KCNQ3: variants seen among roughly 807,000 people sequenced by gnomAD.
KCNQ3 encodes potassium voltage-gated channel subfamily Q member 3.
A neutral mutation model predicts 92.5 loss-of-function variants in KCNQ3; 30 were observed. The ratio of observed to expected loss-of-function variants is 0.32; its 90% CI spans 0.24 to 0.44. The LOEUF (loss-of-function observed/expected upper bound fraction) is 0.44. Among genes scored for constraint, KCNQ3 ranks in the 20% least tolerant of loss-of-function variants. KCNQ3 has a pLI of 1.00. For missense variants in KCNQ3, 913 were observed against 1,140.3 expected (o/e 0.80, Z 2.87); for synonymous variants, 450 against 468.8 (o/e 0.96, Z 0.52).
intron 6 of KCNQ3, among the ~76,000 whole-genome samples, chr8:132,173,302 A>C (rs1018280216): frequency 3.9e-5 from 6 of 152,188 alleles, no homozygotes; most frequent in Non-Finnish European, 5.9e-5. Flanking sequence ...CATCAATGAG[A>C]AAACTGAGAT....
At chr8:132,393,068 T>G (rs1820092542) in intron 1 of KCNQ3, among the ~76,000 whole-genome samples, 1 of 152,154 alleles carries the variant, frequency 6.6e-6, no homozygotes, top group Admixed American at 6.5e-5. Context: ...ATTCCTGAAT[T>G]GTTACTGCTC....
At chr8:132,346,552 C>T (rs906840542) in intron 1 of KCNQ3, among the ~76,000 whole-genome samples, 1 of 152,200 alleles carries the variant, frequency 6.6e-6, no homozygotes, top group African/African-American at 2.4e-5. Context: ...AAAAGCTTGC[C>T]TTGCCATTTC....
At chr8:132,286,958 T>C (rs1816695804) in intron 1 of KCNQ3, among the ~76,000 whole-genome samples, 1 of 152,194 alleles carries the variant, frequency 6.6e-6, no homozygotes, top group Non-Finnish European at 1.5e-5. Flanking sequence ...CACCAACTGA[T>C]GAAGTAGCAC....
intron 1 of KCNQ3, among the ~76,000 whole-genome samples, chr8:132,351,742 C>T (rs1266483845): frequency 6.6e-6 from 1 of 152,164 alleles, no homozygotes; most frequent in African/African-American, 2.4e-5. Flanking sequence ...AGAAGCATCC[C>T]ACTCACTGAA....
At chr8:132,293,998 T>G (rs1816938544) in intron 1 of KCNQ3, among the ~76,000 whole-genome samples, 1 of 112,620 alleles carries the variant, frequency 8.9e-6, no homozygotes. Context: ...TGTGTGTGTG[T>G]GGTTTTTTTT....
intron 3 of KCNQ3, among the ~76,000 whole-genome samples, chr8:132,183,428 G>A (rs1014972471): frequency 4.6e-5 from 7 of 152,144 alleles, no homozygotes; most frequent in Admixed American, 2.6e-4. Context: ...GGGGACTGGA[G>A]CATCAGACAC....
chr8:132,288,995 A>C (rs1213349906), intron 1 of KCNQ3, among the ~76,000 whole-genome samples: 1 of 152,230 alleles, frequency 6.6e-6, no homozygotes, highest in Non-Finnish European at 1.5e-5. Context: ...TAGGAGTTCC[A>C]AGTGGCAGAA....
chr8:132,326,435 T>C (rs1486944960), intron 1 of KCNQ3, among the ~76,000 whole-genome samples: 1 of 152,222 alleles, frequency 6.6e-6, no homozygotes. Flanking sequence ...ATCCAGTCCC[T>C]GCCCCCAGGC....
At chr8:132,350,665 C>A (rs1818833391) in intron 1 of KCNQ3, among the ~76,000 whole-genome samples, 1 of 152,130 alleles carries the variant, frequency 6.6e-6, no homozygotes, top group African/African-American at 2.4e-5. Context: ...TTTCCTTGTT[C>A]TTCCCTTCCT....
chr8:132,388,362 C>T (rs1819953266), intron 1 of KCNQ3, among the ~76,000 whole-genome samples: 1 of 152,114 alleles, frequency 6.6e-6, no homozygotes. Flanking sequence ...AAGAATTAAA[C>T]TAAAGAGTAC....
intron 1 of KCNQ3, among the ~76,000 whole-genome samples, chr8:132,264,296 C>T (rs1815902228): frequency 6.6e-6 from 1 of 152,168 alleles, no homozygotes; most frequent in Admixed American, 6.5e-5. Flanking sequence ...GCTGGAATGG[C>T]CCCAGGTAAC....
At chr8:132,433,113 G>A (rs1170133600) in intron 1 of KCNQ3, among the ~76,000 whole-genome samples, 1 of 152,186 alleles carries the variant, frequency 6.6e-6, no homozygotes, top group Admixed American at 6.5e-5. Flanking sequence ...AGAATTGGAG[G>A]AGGCCTCCTG....
chr8:132,347,607 A>G (rs1295541891), intron 1 of KCNQ3, among the ~76,000 whole-genome samples: 4 of 152,218 alleles, frequency 2.6e-5, no homozygotes, highest in Non-Finnish European at 5.9e-5. Context: ...TACATAATTC[A>G]TCAAAGAAGA....
intron 1 of KCNQ3, among the ~76,000 whole-genome samples, chr8:132,382,680 A>G (rs1441600342): frequency 6.6e-6 from 1 of 152,160 alleles, no homozygotes; most frequent in Admixed American, 6.5e-5. Context: ...CTCCCAGGAG[A>G]AAGAGATGCC....
intron 1 of KCNQ3, among the ~76,000 whole-genome samples, chr8:132,229,706 C>A (rs952250005): frequency 4.0e-5 from 6 of 151,822 alleles, no homozygotes; most frequent in African/African-American, 1.5e-4. Flanking sequence ...GGACCAGAGA[C>A]AAGCAGAGGG....
intron 2 of KCNQ3, among the ~76,000 whole-genome samples, chr8:132,185,279 C>G (rs1826924716): frequency 1.3e-5 from 2 of 152,238 alleles, no homozygotes; most frequent in Non-Finnish European, 2.9e-5. Context: ...ACTAGGGGGC[C>G]ACACCACTGC....
chr8:132,479,466 GC>G (rs370215895), intron 1 of KCNQ3, among the ~76,000 whole-genome samples: 1 of 152,138 alleles, frequency 6.6e-6, no homozygotes, highest in East Asian at 1.9e-4. Context: ...GCTCTGTGAA[GC>G]CCCAGCCCCT....
intron 9 of KCNQ3, among the ~76,000 whole-genome samples, chr8:132,157,977 T>C (rs1825860654): frequency 6.6e-6 from 1 of 152,178 alleles, no homozygotes; most frequent in African/African-American, 2.4e-5. Context: ...TATTTCTTAA[T>C]TGGTTCATAA....
In KCNQ3 at chr8:132,208,566, A is replaced by C. The variant is rs541880661; in HGVS notation, c.387-22385T>G. On this transcript the variant is annotated intron_variant, in intron 1 of 14. Coordinates refer to ENST00000388996, the MANE Select transcript of KCNQ3 (RefSeq NM_004519.4). ...TATTAATCTAGGAGAGCCTTGAGAA[A>C]GTAAGAACAGGCTGCATATGTTTTG... Among the ~76,000 whole-genome samples the C allele has an allele frequency of 3.9e-5, 6 of 152,306 alleles. No homozygotes were observed. The East Asian group carries it at 1.2e-3, about 29-fold the overall frequency.
Sources: gnomAD v4.1 joint callset for allele counts (sites outside exome capture counted in the v4.1 genomes callset) on GRCh38, gnomAD v4.1.1 for gene constraint, MANE v1.5 for transcripts, NCBI Gene and HGNC (gene_info 2026-07-23, HGNC 2026-07-21) for gene names.